Variants in MED12L observed in about 807,000 individuals in gnomAD.
The protein encoded by MED12L is mediator of RNA polymerase II transcription subunit 12-like protein.
MED12L carries 60 observed loss-of-function variants against 281.3 expected under a neutral mutation model. The observed-to-expected ratio is 0.21, with a 90% CI of 0.17 to 0.26. The LOEUF (loss-of-function observed/expected upper bound fraction) is 0.26, where lower values mean the gene tolerates loss of function less well. Ranked by LOEUF, MED12L falls within the 10% of genes least tolerant of loss-of-function variation. The probability of loss-of-function intolerance (pLI) is 1.00; values close to 1 mark genes in which losing one functional copy is unlikely to be tolerated. For synonymous variants in MED12L, 974 were observed against 987.2 expected, an observed-to-expected ratio of 0.99 and a Z score of 0.25; for missense variants, 2,146 against 2,680.9, an observed-to-expected ratio of 0.80 and a Z score of 4.41.
intron 16 of MED12L, among the ~76,000 whole-genome samples, chr3:151,310,421 A>T (rs1747347426): frequency 6.6e-6 from 1 of 152,190 alleles, no homozygotes; most frequent in Admixed American, 6.5e-5. Flanking sequence ...TGGTGTCTTC[A>T]AGCATTCAGC....
At position 151,275,266 on chromosome 3, in the gene MED12L, A is replaced by C. The variant is rs1577206308; in HGVS notation, c.2251-74793A>C. Reference sequence around the variant, plus strand: ...ACAGATCGCTTTGGGCCAACCTCAGAAGCCAACTAACTGATCTTTTCCTCT... The same window carrying C: ...ACAGATCGCTTTGGGCCAACCTCAGCAGCCAACTAACTGATCTTTTCCTCT... On this transcript the variant is annotated intron_variant, in intron 16 of 44. Coordinates refer to ENST00000687756, the MANE Select transcript of MED12L (RefSeq NM_001393769.1). 2.6e-5 allele frequency among the ~76,000 whole-genome samples: 4 copies of C among 152,254 alleles called. No individual in the cohort carries two copies. The South Asian group carries it at 8.3e-4, about 32-fold the overall frequency.
At chr3:151,210,370 G>C (rs1408749273) in intron 16 of MED12L, among the ~76,000 whole-genome samples, 1 of 152,212 alleles carries the variant, frequency 6.6e-6, no homozygotes, top group Admixed American at 6.5e-5. Flanking sequence ...GAAGACGGAG[G>C]CTGAAGATGA....
intron 16 of MED12L, among the ~76,000 whole-genome samples, chr3:151,215,444 A>G (rs1204655357): frequency 6.6e-6 from 1 of 152,178 alleles, no homozygotes; most frequent in Admixed American, 6.5e-5. Context: ...AATAAAATAT[A>G]TTATTACTCT....
chr3:151,131,096 A>G (rs944906919), intron 5 of MED12L, among the ~76,000 whole-genome samples: 3 of 152,184 alleles, frequency 2.0e-5, no homozygotes, highest in African/African-American at 4.8e-5. Context: ...ATTTCTCCCA[A>G]TTGATAATCC....
intron 16 of MED12L, among the ~76,000 whole-genome samples, chr3:151,290,275 AT>A (rs1442265119): frequency 6.6e-6 from 1 of 152,262 alleles, no homozygotes; most frequent in Non-Finnish European, 1.5e-5. Context: ...TTCCAATTTA[AT>A]TCTGTATCTT....
intron 19 of MED12L, among the ~76,000 whole-genome samples, chr3:151,356,540 G>A (rs542646845): frequency 6.6e-6 from 1 of 152,050 alleles, no homozygotes; most frequent in African/African-American, 2.4e-5. Flanking sequence ...TTAAAGTTGT[G>A]TTCATAGTTT....
intron 2 of MED12L, 151 bp downstream of exon 2, chr3:151,087,176 G>C: frequency 1.6e-6 from 1 of 630,968 alleles, no homozygotes; most frequent in South Asian, 2.3e-5. Context: ...GGTGCTGGGC[G>C]ACCCCCCGGC....
At position 151,122,735 on chromosome 3, in the gene MED12L, T is replaced by C. The variant is rs1347954753; in HGVS notation, c.205-48T>C. 4 of 1,349,268 alleles carry C rather than the reference T, an allele frequency of 3.0e-6. No homozygotes were observed. The Admixed American group carries it at 7.2e-5, about 24-fold the overall frequency. 83.6% of individuals were successfully genotyped at this position (1,349,268 alleles called of 1,614,324 possible). A position where few individuals can be genotyped will look rare whatever the true frequency, so the allele number is the denominator to read the frequency against. The stretch of plus-strand genomic sequence containing the variant: ...AAAATACTAATGTACAGTACTAAGC[T>C]ACTTGCTTATTGTCTTAACTTTCCC... On this transcript the variant is annotated intron_variant, in intron 3 of 44. Transcript: ENST00000687756.
chr3:151,297,276 C>T (rs1745227238), intron 16 of MED12L, among the ~76,000 whole-genome samples: 1 of 152,194 alleles, frequency 6.6e-6, no homozygotes, highest in Admixed American at 6.5e-5. Context: ...GCTGTTTTTG[C>T]ATCATAAGAT....
In MED12L at chr3:151,436,485, A is replaced by AAAG; in HGVS notation, c.*3682_*3684dup. 2.2e-6 allele frequency: 1 copy of AAAG among 444,900 alleles called. No homozygotes were observed. The highest frequency in any genetic ancestry group is 3.6e-5 in the East Asian group (1 of 27,932). 27.6% of individuals were successfully genotyped at this position (444,900 alleles called of 1,614,324 possible). A position where few individuals can be genotyped will look rare whatever the true frequency, so the allele number is the denominator to read the frequency against. ...GGCAAAATAAAAGTGCCTTAAGTTA[A>AAAG]AAGTTTGTTTTGAGATCCATTAAAT... On this transcript the variant is annotated 3_prime_UTR_variant, in exon 45 of 45. Transcript: ENST00000687756.
intron 27 of MED12L, among the ~76,000 whole-genome samples, chr3:151,375,683 TGATA>T (rs1163060316): frequency 6.6e-6 from 1 of 152,172 alleles, no homozygotes; most frequent in Non-Finnish European, 1.5e-5. Context: ...AACGTATATC[TGATA>T]GAATCATTAT....
intron 16 of MED12L, chr3:151,294,301 A>G (rs766560001): frequency 6.2e-7 from 1 of 1,614,038 alleles, no homozygotes; most frequent in East Asian, 2.2e-5. Context: ...TACACATGAA[A>G]AAGTAAATTA....
chr3:151,168,529 G>A (rs1305546861), intron 11 of MED12L, among the ~76,000 whole-genome samples: 1 of 152,124 alleles, frequency 6.6e-6, no homozygotes, highest in Non-Finnish European at 1.5e-5. Context: ...CACATTTCTG[G>A]AAGGGCCATC....
At chr3:151,382,942 A>C (rs778083392) in intron 33 of MED12L, among the ~76,000 whole-genome samples, 197 bp downstream of exon 33, 1 of 152,142 alleles carries the variant, frequency 6.6e-6, no homozygotes, top group Non-Finnish European at 1.5e-5. Flanking sequence ...TCAGACATCT[A>C]GACAGTGCTA....
intron 16 of MED12L, among the ~76,000 whole-genome samples, chr3:151,208,335 C>G (rs1420472285): frequency 1.3e-5 from 2 of 152,132 alleles, no homozygotes; most frequent in East Asian, 3.9e-4. Flanking sequence ...GAAAGTACAA[C>G]ATAACTAACA....
intron 26 of MED12L, among the ~76,000 whole-genome samples, chr3:151,369,811 A>G (rs1358718469): frequency 6.6e-6 from 1 of 152,154 alleles, no homozygotes; most frequent in Non-Finnish European, 1.5e-5. Flanking sequence ...TTCTGATGTA[A>G]AATAGGTCCT....
intron 11 of MED12L, among the ~76,000 whole-genome samples, chr3:151,177,794 A>G (rs1722238338): frequency 6.6e-6 from 1 of 152,184 alleles, no homozygotes; most frequent in South Asian, 2.1e-4. Context: ...CACCTGGCCA[A>G]TAAATATTTT....
At position 151,350,095 on chromosome 3, in the gene MED12L, A is replaced by G. The variant is rs757319821; in HGVS notation, c.2287A>G (p.Ile763Val). The G allele has an allele frequency of 1.4e-5, 23 of 1,613,348 alleles. No homozygotes were observed. Among genetic ancestry groups the G allele is most frequent in the Admixed American group, 5.0e-5 (3 of 59,938 alleles). Reference protein sequence around the residue: ...SSSHECNQRTILLYGVGKERD... With the variant: ...SSSHECNQRTVLLYGVGKERD... ...AAGTCATGAATGTAACCAGCGCACA[A>G]TCCTTCTCTATGGAGTCGGCAAAGA... is the stretch of plus-strand genomic sequence containing the variant. Residue 763 changes from isoleucine to valine, a missense_variant, in exon 17 of 45, where the codon ATC (isoleucine) becomes GTC (valine). Physicochemically the swap from Ile to Val is conservative, Grantham distance 29. Transcript: ENST00000687756.
chr3:151,151,091 C>T (rs1718437275), intron 5 of MED12L, among the ~76,000 whole-genome samples: 2 of 113,274 alleles, frequency 1.8e-5, no homozygotes, highest in South Asian at 6.2e-4. Flanking sequence ...GGCTGGAGTG[C>T]AGTGGCGCCA....
Sources: gnomAD v4.1 joint callset for allele counts (sites outside exome capture counted in the v4.1 genomes callset) on GRCh38, gnomAD v4.1.1 for gene constraint, MANE v1.5 for transcripts, NCBI Gene and HGNC (gene_info 2026-07-23, HGNC 2026-07-21) for gene names.